Variants in FAM135B observed in about 807,000 individuals in gnomAD.
FAM135B encodes protein FAM135B.
In FAM135B, 43 loss-of-function variants were observed where a neutral mutation model predicts 127.7. The observed-to-expected ratio is 0.34, with a 90% CI of 0.26 to 0.43. The LOEUF (loss-of-function observed/expected upper bound fraction) is 0.43. Ranked by LOEUF, FAM135B falls within the 20% of genes least tolerant of loss-of-function variation. The pLI is 1.00. For synonymous variants in FAM135B, 670 were observed against 665.1 expected (o/e 1.01, Z -0.11); for missense variants, 1,558 against 1,725.6 (o/e 0.90, Z 1.72).
In FAM135B at chr8:138,141,405, G is replaced by C. The variant is rs2130601716; in HGVS notation, c.3639-56C>G. ...TGTGACGGTGAATGCTGCTGCCCAAGAGTGCAGTGCTGGAAGCATCAGGGG... is the reference window on the plus strand; with the variant it reads ...TGTGACGGTGAATGCTGCTGCCCAACAGTGCAGTGCTGGAAGCATCAGGGG... On this transcript the variant is annotated intron_variant, in intron 16 of 19. Coordinates refer to ENST00000395297, the MANE Select transcript of FAM135B (RefSeq NM_015912.4). This position sits in a 1 kb window ranked among gnomAD's most constrained non-coding sequence, Gnocchi z 4.7. The C allele has an allele frequency of 1.3e-6, 2 of 1,573,498 alleles. No individual in the cohort carries two copies. Among genetic ancestry groups the C allele is most frequent in the Non-Finnish European group, 1.7e-6 (2 of 1,145,772 alleles).
At position 138,241,143 on chromosome 8, in the gene FAM135B, G is replaced by A. The variant is rs1820736110; in HGVS notation, c.669+1799C>T. On this transcript the variant is annotated intron_variant, in intron 7 of 19. Transcript: ENST00000395297. The surrounding 1 kb of genome is among the most constrained non-coding windows in gnomAD (Gnocchi z 4.8). ...CAAAGGCTTCGGCCGACCACGGGGA[G>A]CTTTGCCTCAGTGATGGTCCTGTAG... is the stretch of plus-strand genomic sequence containing the variant. Among the ~76,000 whole-genome samples the A allele has an allele frequency of 6.6e-6, 1 of 152,192 alleles. No homozygotes were observed. The highest frequency in any genetic ancestry group is 2.4e-5 in the African/African-American group (1 of 41,450).
intron 1 of FAM135B, among the ~76,000 whole-genome samples, chr8:138,427,860 T>C (rs1325754785): frequency 6.6e-6 from 1 of 152,126 alleles, no homozygotes; most frequent in Non-Finnish European, 1.5e-5. Flanking sequence ...ATAACAAACT[T>C]CCTACTCATC....
intron 6 of FAM135B, among the ~76,000 whole-genome samples, chr8:138,245,185 C>T (rs1417131458): frequency 6.6e-6 from 1 of 152,178 alleles, no homozygotes; most frequent in African/African-American, 2.4e-5. Flanking sequence ...TTGCTGCAGA[C>T]AAACTTGCAA....
At chr8:138,206,341 C>CCACGGCTCTATCATCCCCTCCACCTACA (rs1817588375) in intron 7 of FAM135B, among the ~76,000 whole-genome samples, 4 of 13,232 alleles carry the variant, frequency 3.0e-4, no homozygotes, top group Non-Finnish European at 3.3e-4. Flanking sequence ...CTCCACCTAC[C>CCACGGCTCTATCATCCCCTCCACCTACA]CACAACTCCA....
At chr8:138,275,780 A>T (rs1823775294) in intron 3 of FAM135B, among the ~76,000 whole-genome samples, 1 of 152,160 alleles carries the variant, frequency 6.6e-6, no homozygotes, top group Admixed American at 6.5e-5. Flanking sequence ...TAAAGTCTTT[A>T]CTATGGTTAA....
At chr8:138,491,090 G>A (rs1263560553) in intron 1 of FAM135B, among the ~76,000 whole-genome samples, 1 of 146,120 alleles carries the variant, frequency 6.8e-6, no homozygotes, top group Non-Finnish European at 1.5e-5. Flanking sequence ...GCAGTGAGCC[G>A]AGATCGTGCC....
chr8:138,256,795 T>C (rs745923553), intron 4 of FAM135B, 36 bp from the exon 5 acceptor site: 1 of 1,537,812 alleles, frequency 6.5e-7, no homozygotes, highest in Non-Finnish European at 9.0e-7. Flanking sequence ...ATTTCAGGAG[T>C]CAAATCTTGT....
At chr8:138,394,965 A>G (rs1021938269) in intron 1 of FAM135B, among the ~76,000 whole-genome samples, 66 of 152,172 alleles carry the variant, frequency 4.3e-4, no homozygotes, top group African/African-American at 1.5e-3. Flanking sequence ...AAATCATTTA[A>G]TGGACATGAT....
chr8:138,465,536 C>T lies in FAM135B; in HGVS notation c.-20+31135G>A, dbSNP rs113456280. On this transcript the variant is annotated intron_variant, in intron 1 of 19. Transcript: ENST00000395297. ...GTGCCCATGCATGCTTTCTCACCAC[C>T]CAGAAATGCAATGCCCATTCTTTGG... Among the ~76,000 whole-genome samples, 590 of 152,316 alleles carry T rather than the reference C, an allele frequency of 3.9e-3. 1 individual carries two copies. Among genetic ancestry groups the T allele is most frequent in the Non-Finnish European group, 6.9e-3 (467 of 68,034 alleles).
Position 138,323,187 on chromosome 8 carries a change from T to C in FAM135B, c.78-12267A>G, listed in dbSNP as rs536148614. Among the ~76,000 whole-genome samples, 6 of 152,384 alleles carry C rather than the reference T, an allele frequency of 3.9e-5. No homozygotes were observed. The South Asian group carries it at 1.0e-3, about 26-fold the overall frequency. ...ACCAATGTTTACTGTGATGATCCTC[T>C]GCATTTCTCTACCCGCATTCTCCTT... On this transcript the variant is annotated intron_variant, in intron 2 of 19. Transcript: ENST00000395297.
intron 1 of FAM135B, among the ~76,000 whole-genome samples, chr8:138,474,424 T>C (rs1814275749): frequency 6.6e-6 from 1 of 152,202 alleles, no homozygotes; most frequent in African/African-American, 2.4e-5. Context: ...GAGTTCAGTA[T>C]AGACACCAGC....
chr8:138,268,903 C>T (rs948704716), intron 3 of FAM135B, among the ~76,000 whole-genome samples: 6 of 151,916 alleles, frequency 3.9e-5, no homozygotes, highest in African/African-American at 1.2e-4. Flanking sequence ...TGGGTGTCAG[C>T]CTTGGTACCA....
At chr8:138,484,531 A>C (rs1472051693) in intron 1 of FAM135B, among the ~76,000 whole-genome samples, 2 of 152,136 alleles carry the variant, frequency 1.3e-5, no homozygotes, top group Non-Finnish European at 2.9e-5. Context: ...TTTTAGGGCT[A>C]ATGATGGCCC....
intron 1 of FAM135B, among the ~76,000 whole-genome samples, chr8:138,431,841 A>C (rs1835204128): frequency 6.6e-6 from 1 of 152,208 alleles, no homozygotes; most frequent in African/African-American, 2.4e-5. Context: ...CAGATACTCC[A>C]GACTCAGATT....
intron 19 of FAM135B, among the ~76,000 whole-genome samples, chr8:138,134,898 C>T (rs1340572129): frequency 6.6e-6 from 1 of 152,136 alleles, no homozygotes; most frequent in African/African-American, 2.4e-5. Flanking sequence ...TTTGAAGATA[C>T]ACTCCCTTTT....
Position 138,246,328 on chromosome 8 carries a change from G to A in FAM135B, c.543-3260C>T, listed in dbSNP as rs184554551. 4.5e-4 allele frequency among the ~76,000 whole-genome samples: 68 copies of A among 152,310 alleles called. 2 individuals carry two copies. In the East Asian group the frequency reaches 6.2e-3, roughly 14 times the overall value. ...AAGCCCCTCCCATCACAGGCCCAGAGGCCCAGGAAGAAAGAATGGTTTTGA... is the reference window on the plus strand; with the variant it reads ...AAGCCCCTCCCATCACAGGCCCAGAAGCCCAGGAAGAAAGAATGGTTTTGA... On this transcript the variant is annotated intron_variant, in intron 6 of 19. Coordinates refer to ENST00000395297, the MANE Select transcript of FAM135B (RefSeq NM_015912.4).
rs994118929 is a variant in FAM135B at position 138,463,010 on chromosome 8, T to C, written c.-20+33661A>G. ...TAATTGAAAGACCAAGAAGTAATAA[T>C]AAATTATTCCCAAAAGAACATCACA... On this transcript the variant is annotated intron_variant, in intron 1 of 19. Coordinates refer to ENST00000395297, the MANE Select transcript of FAM135B (RefSeq NM_015912.4). Among the ~76,000 whole-genome samples the C allele has an allele frequency of 2.0e-5, 3 of 152,172 alleles. No individual in the cohort carries two copies. The East Asian group carries it at 5.8e-4, about 29-fold the overall frequency.
At chr8:138,202,728 A>T (rs1396090526) in intron 7 of FAM135B, among the ~76,000 whole-genome samples, 1 of 152,222 alleles carries the variant, frequency 6.6e-6, no homozygotes, top group East Asian at 1.9e-4. Context: ...GTAATGCTCC[A>T]GTGTAAAGTC....
chr8:138,146,618 C>A (rs1461456911), intron 14 of FAM135B, among the ~76,000 whole-genome samples: 1 of 151,326 alleles, frequency 6.6e-6, no homozygotes, highest in East Asian at 1.9e-4. Context: ...GCCATCGGGG[C>A]AGAGGAATGA....
Sources: gnomAD v4.1 joint callset for allele counts (sites outside exome capture counted in the v4.1 genomes callset) on GRCh38, gnomAD v4.1.1 for gene constraint, Gnocchi (gnomAD v3.1) non-coding constraint, MANE v1.5 for transcripts, NCBI Gene and HGNC (gene_info 2026-07-23, HGNC 2026-07-21) for gene names.